The following SPOCK3 variants were observed in gnomAD, a reference collection of about 807,000 sequenced individuals.
The protein encoded by SPOCK3 is testican-3.
A neutral mutation model predicts 56.6 loss-of-function variants in SPOCK3; 30 were observed. The ratio of observed to expected loss-of-function variants is 0.53; its 90% CI spans 0.40 to 0.72. The LOEUF is 0.72. SPOCK3 is among the 30% of genes least tolerant of loss of function. The pLI, the probability that SPOCK3 is intolerant of heterozygous loss-of-function variation, is 0.00. For missense variants in SPOCK3, 527 were observed against 530.0 expected, an observed-to-expected ratio of 0.99 and a Z score of 0.06; for synonymous variants, 196 against 183.3, an observed-to-expected ratio of 1.07 and a Z score of -0.56.
At chr4:166,836,732 T>C (rs1223861948) in intron 6 of SPOCK3, among the ~76,000 whole-genome samples, 2 of 152,180 alleles carry the variant, frequency 1.3e-5, no homozygotes, top group African/African-American at 2.4e-5. Context: ...TAACTCTCCT[T>C]TGAGTACTTT....
chr4:167,107,766 C>A (rs1177697461), intron 2 of SPOCK3, among the ~76,000 whole-genome samples: 1 of 151,814 alleles, frequency 6.6e-6, no homozygotes, highest in Non-Finnish European at 1.5e-5. Context: ...ACAAAATCAA[C>A]ATACAAAAAT....
intron 6 of SPOCK3, among the ~76,000 whole-genome samples, chr4:166,820,336 ATAAAG>A (rs1455822308): frequency 6.6e-6 from 1 of 152,080 alleles, no homozygotes; most frequent in Non-Finnish European, 1.5e-5. Flanking sequence ...TCAACTAAAA[ATAAAG>A]TAAAAATAAA....
At chr4:166,838,008 C>A (rs895041374) in intron 6 of SPOCK3, among the ~76,000 whole-genome samples, 2 of 151,886 alleles carry the variant, frequency 1.3e-5, no homozygotes, top group Non-Finnish European at 2.9e-5. Flanking sequence ...TTCTTCTTGC[C>A]CTCATCGTTT....
At chr4:167,025,244 A>G (rs2150169924) in intron 3 of SPOCK3, among the ~76,000 whole-genome samples, 1 of 151,734 alleles carries the variant, frequency 6.6e-6, no homozygotes, top group South Asian at 2.1e-4. Flanking sequence ...CCTTAGAAAA[A>G]ACTGCCCATC....
chr4:166,752,569 TATATACACACACACACACACAC>T (rs915317644), intron 8 of SPOCK3, among the ~76,000 whole-genome samples: 5 of 9,028 alleles, frequency 5.5e-4, no homozygotes, highest in East Asian at 2.0e-3. Flanking sequence ...TATATATATA[TATATACACACACACACACACAC>T]ACACACACAC....
At chr4:167,229,708 G>A (rs1736964308) in intron 2 of SPOCK3, among the ~76,000 whole-genome samples, 1 of 152,032 alleles carries the variant, frequency 6.6e-6, no homozygotes, top group Non-Finnish European at 1.5e-5. Context: ...TAATTTGAGT[G>A]CCTCTGAGAC....
At chr4:167,060,058 G>A (rs963744410) in intron 3 of SPOCK3, among the ~76,000 whole-genome samples, 3 of 151,762 alleles carry the variant, frequency 2.0e-5, no homozygotes, top group African/African-American at 7.3e-5. Context: ...GCTAAATGAC[G>A]AGTTAATGGG....
At chr4:167,048,528 G>A (rs1205640711) in intron 3 of SPOCK3, among the ~76,000 whole-genome samples, 1 of 152,094 alleles carries the variant, frequency 6.6e-6, no homozygotes, top group African/African-American at 2.4e-5. Context: ...AACTTCAACA[G>A]CTTAGGAAAT....
intron 6 of SPOCK3, among the ~76,000 whole-genome samples, chr4:166,869,314 G>A (rs990038276): frequency 3.9e-5 from 6 of 152,222 alleles, no homozygotes; most frequent in South Asian, 2.1e-4. Flanking sequence ...GTAGGCATAA[G>A]GCCATCTAAG....
intron 4 of SPOCK3, among the ~76,000 whole-genome samples, chr4:166,920,212 A>C (rs1738338771): frequency 6.6e-6 from 1 of 152,182 alleles, no homozygotes; most frequent in Non-Finnish European, 1.5e-5. Context: ...AATATTCCAT[A>C]AATTTCTAGA....
chr4:166,918,534 TA>T (rs972390193), intron 4 of SPOCK3: 11 of 152,062 alleles, frequency 7.2e-5, no homozygotes, highest in Admixed American at 3.9e-4. Context: ...AATGTTGCTA[TA>T]AAAAATGGAT....
intron 4 of SPOCK3, among the ~76,000 whole-genome samples, chr4:166,960,717 T>A (rs932470224): frequency 6.6e-6 from 1 of 152,150 alleles, no homozygotes; most frequent in Non-Finnish European, 1.5e-5. Context: ...CAGAATAGGA[T>A]GAACACTGAT....
chr4:167,032,340 A>G (rs2150183216), intron 3 of SPOCK3, among the ~76,000 whole-genome samples: 1 of 152,076 alleles, frequency 6.6e-6, no homozygotes, highest in Non-Finnish European at 1.5e-5. Flanking sequence ...TTGAGGTGGT[A>G]ATTATTTCTA....
intron 7 of SPOCK3, among the ~76,000 whole-genome samples, chr4:166,771,307 T>C (rs915717945): frequency 1.3e-5 from 2 of 151,978 alleles, no homozygotes; most frequent in African/African-American, 4.8e-5. Context: ...ATCATCCTGA[T>C]GACTCTTGTA....
In SPOCK3 at chr4:167,167,519, G is replaced by T. The variant is rs76491788; in HGVS notation, c.189+66466C>A. Among the ~76,000 whole-genome samples, 149 of 152,234 alleles carry T rather than the reference G, an allele frequency of 9.8e-4. 1 individual carries two copies. The East Asian group carries it at 0.024, about 25-fold the overall frequency. ...AAAACTGTAAATAAATCATCAAAGT[G>T]TATGGTATTTCTCACTATTATGAAG... On this transcript the variant is annotated intron_variant, in intron 2 of 10. Transcript: ENST00000357545.
At chr4:166,889,996 C>T (rs1284561288) in intron 5 of SPOCK3, among the ~76,000 whole-genome samples, 2 of 151,822 alleles carry the variant, frequency 1.3e-5, no homozygotes, top group South Asian at 4.2e-4. Flanking sequence ...TCTCTCTAAT[C>T]CTCGTGTGCA....
At chr4:167,024,450 C>A (rs985013394) in intron 3 of SPOCK3, among the ~76,000 whole-genome samples, 1 of 152,048 alleles carries the variant, frequency 6.6e-6, no homozygotes, top group African/African-American at 2.4e-5. Flanking sequence ...TTATAAATTT[C>A]TTCTAATAAA....
intron 2 of SPOCK3, among the ~76,000 whole-genome samples, chr4:167,154,112 A>G (rs1184371860): frequency 6.6e-6 from 1 of 152,156 alleles, no homozygotes; most frequent in East Asian, 1.9e-4. Context: ...GTCCTTTACA[A>G]TCCCAAGTAT....
chr4:166,772,446 C>T (rs1739055836), intron 7 of SPOCK3, among the ~76,000 whole-genome samples: 1 of 151,956 alleles, frequency 6.6e-6, no homozygotes, highest in Non-Finnish European at 1.5e-5. Flanking sequence ...GTCCAATTTC[C>T]AGGAGCATAC....
Sources: allele counts gnomAD v4.1 joint callset (sites outside exome capture counted in the v4.1 genomes callset), GRCh38; gene constraint gnomAD v4.1.1; transcripts MANE v1.5; gene names NCBI Gene and HGNC (gene_info 2026-07-23, HGNC 2026-07-21).